The following CSMD1 variants were observed in gnomAD, a reference collection of about 807,000 sequenced individuals.
CSMD1 encodes the protein CUB and Sushi multiple domains 1, also known as CUB and sushi domain-containing protein 1.
Under a neutral mutation model 417.5 loss-of-function variants are expected in CSMD1, and 213 were observed. That is an observed-to-expected ratio of 0.51 (90% CI 0.46 to 0.57). CSMD1 has a LOEUF of 0.57. Among genes scored for constraint, CSMD1 ranks in the 20% least tolerant of loss-of-function variants. CSMD1 has a pLI of 0.00. For synonymous variants in CSMD1, 2,862 were observed against 1,736.8 expected, an observed-to-expected ratio of 1.65 and a Z score of -16.11; for missense variants, 6,923 against 4,529.7, an observed-to-expected ratio of 1.53 and a Z score of -15.17.
chr8:3,198,015 C>T (rs924544595), intron 33 of CSMD1, among the ~76,000 whole-genome samples: 6 of 152,176 alleles, frequency 3.9e-5, no homozygotes, highest in Admixed American at 2.0e-4. Context: ...ATGTTAGAGT[C>T]GTCATATACT....
At chr8:4,658,621 C>A (rs1237268230) in intron 1 of CSMD1, among the ~76,000 whole-genome samples, 3 of 151,962 alleles carry the variant, frequency 2.0e-5, no homozygotes, top group Admixed American at 2.0e-4. Context: ...GCGGAGTATC[C>A]ACAATGAAAT....
chr8:4,068,512 G>C (rs889401825), intron 3 of CSMD1, among the ~76,000 whole-genome samples: 1 of 152,204 alleles, frequency 6.6e-6, no homozygotes, highest in Admixed American at 6.5e-5. Flanking sequence ...AACAGGTTTA[G>C]TTTTTACGAC....
chr8:3,285,952 T>G (rs1189084537), intron 25 of CSMD1, among the ~76,000 whole-genome samples: 1 of 152,100 alleles, frequency 6.6e-6, no homozygotes, highest in African/African-American at 2.4e-5. Context: ...CATTTAACAT[T>G]AGATAAATTT....
chr8:3,860,763 GGA>G (rs774165825), intron 5 of CSMD1, among the ~76,000 whole-genome samples: 4 of 152,068 alleles, frequency 2.6e-5, no homozygotes, highest in Non-Finnish European at 4.4e-5. Flanking sequence ...AAGTTTGAAG[GGA>G]GAGAGTAGAG....
At chr8:3,014,079 A>G (rs1159014302) in intron 52 of CSMD1, among the ~76,000 whole-genome samples, 1 of 152,114 alleles carries the variant, frequency 6.6e-6, no homozygotes, top group East Asian at 1.9e-4. Context: ...TTTTACATTA[A>G]TTTCTATTAT....
Position 4,296,493 on chromosome 8 carries a change from C to G in CSMD1, c.415+123460G>C, listed in dbSNP as rs539978764. On this transcript the variant is annotated intron_variant, in intron 3 of 69. Coordinates refer to ENST00000635120, the MANE Select transcript of CSMD1 (RefSeq NM_033225.6). ...TTTAAATATTTTAAATAATTAATAT[C>G]TTTTCCCAAAGAGAGGGTTTATCTA... Among the ~76,000 whole-genome samples the G allele has an allele frequency of 3.3e-5, 5 of 152,030 alleles. 1 individual carries two copies. The highest frequency in any genetic ancestry group is 1.2e-4 in the African/African-American group (5 of 41,494).
At chr8:3,989,985 C>G (rs1318447667) in intron 5 of CSMD1, among the ~76,000 whole-genome samples, 1 of 152,162 alleles carries the variant, frequency 6.6e-6, no homozygotes, top group African/African-American at 2.4e-5. Context: ...TCAAAATGTA[C>G]AATTGGAACA....
At chr8:4,671,878 A>G (rs1279289088) in intron 1 of CSMD1, among the ~76,000 whole-genome samples, 1 of 152,090 alleles carries the variant, frequency 6.6e-6, no homozygotes, top group Non-Finnish European at 1.5e-5. Context: ...CTTAAAAACG[A>G]GAAGATAGAA....
At chr8:4,747,240 G>A (rs1177202998) in intron 1 of CSMD1, among the ~76,000 whole-genome samples, 1 of 152,150 alleles carries the variant, frequency 6.6e-6, no homozygotes. Context: ...GCATTTTATT[G>A]AGACATGCCT....
At chr8:3,776,646 TC>T (rs1459436921) in intron 5 of CSMD1, among the ~76,000 whole-genome samples, 2 of 152,072 alleles carry the variant, frequency 1.3e-5, no homozygotes, top group Non-Finnish European at 2.9e-5. Flanking sequence ...ACCACCTCCT[TC>T]TTTCCCTCCT....
chr8:4,264,814 G>T (rs1804138302), intron 3 of CSMD1, among the ~76,000 whole-genome samples: 1 of 152,086 alleles, frequency 6.6e-6, no homozygotes, highest in African/African-American at 2.4e-5. Flanking sequence ...TTCTTGTTGT[G>T]CCTCATCAAT....
chr8:3,531,513 A>G (rs973916206), intron 10 of CSMD1, among the ~76,000 whole-genome samples: 3 of 152,218 alleles, frequency 2.0e-5, no homozygotes, highest in Non-Finnish European at 4.4e-5. Context: ...AGGGTAGCAT[A>G]AAGAAGAAGG....
intron 3 of CSMD1, among the ~76,000 whole-genome samples, chr8:4,202,345 T>C (rs1799706830): frequency 6.6e-6 from 1 of 152,252 alleles, no homozygotes; most frequent in African/African-American, 2.4e-5. Flanking sequence ...TATGGCATTT[T>C]AATGTCTTCA....
Position 4,734,607 on chromosome 8 carries a change from C to T in CSMD1, c.86-97049G>A, listed in dbSNP as rs749565797. ...TGCTGTTTAACAAAATACAACTATA[C>T]TGTATAACATTATATTTTTAGGTAC... On this transcript the variant is annotated intron_variant, in intron 1 of 69. Coordinates refer to ENST00000635120, the MANE Select transcript of CSMD1 (RefSeq NM_033225.6). 5.3e-5 allele frequency among the ~76,000 whole-genome samples: 8 copies of T among 152,258 alleles called. 1 individual carries two copies. Among genetic ancestry groups the T allele is most frequent in the Middle Eastern group, 3.4e-3 (1 of 294 alleles).
intron 5 of CSMD1, among the ~76,000 whole-genome samples, chr8:3,981,044 T>C (rs1813822270): frequency 1.3e-5 from 2 of 152,166 alleles, no homozygotes; most frequent in Non-Finnish European, 2.9e-5. Flanking sequence ...CCATGAATTT[T>C]CCCACAGTCA....
In CSMD1 at chr8:3,694,853, C is replaced by T. The variant is rs183057005; in HGVS notation, c.1009+13561G>A. 2.1e-3 allele frequency among the ~76,000 whole-genome samples: 315 copies of T among 152,026 alleles called. 4 individuals carry two copies. Among genetic ancestry groups the T allele is most frequent in the African/African-American group, 7.3e-3 (304 of 41,468 alleles). On this transcript the variant is annotated intron_variant, in intron 7 of 69. Coordinates refer to ENST00000635120, the MANE Select transcript of CSMD1 (RefSeq NM_033225.6). ...AATGAGCCAGGACATGAAGCAATAC[C>T]GGATCCTAAAGACCATAGAAACCTG...
intron 7 of CSMD1, among the ~76,000 whole-genome samples, chr8:3,656,148 T>C (rs1307184655): frequency 1.3e-5 from 2 of 152,164 alleles, no homozygotes; most frequent in Non-Finnish European, 2.9e-5. Flanking sequence ...AAAGCCTCTT[T>C]AGGAAGGGCT....
intron 3 of CSMD1, among the ~76,000 whole-genome samples, chr8:4,338,961 C>A (rs1004891218): frequency 6.6e-6 from 1 of 151,998 alleles, no homozygotes; most frequent in African/African-American, 2.4e-5. Flanking sequence ...TAGGTCTGGG[C>A]ATACAGTCAA....
intron 1 of CSMD1, among the ~76,000 whole-genome samples, chr8:4,872,000 C>A (rs1000041470): frequency 6.6e-6 from 1 of 152,138 alleles, no homozygotes; most frequent in African/African-American, 2.4e-5. Flanking sequence ...TGCAGAAACA[C>A]ATCGTGCTGA....
Sources: gnomAD v4.1 joint callset for allele counts (sites outside exome capture counted in the v4.1 genomes callset) on GRCh38, gnomAD v4.1.1 for gene constraint, MANE v1.5 for transcripts, NCBI Gene and HGNC (gene_info 2026-07-23, HGNC 2026-07-21) for gene names.